LRP1: variants seen among roughly 807,000 people sequenced by gnomAD.
LRP1 encodes prolow-density lipoprotein receptor-related protein 1.
Under a neutral mutation model 541.5 loss-of-function variants are expected in LRP1, and 51 were observed. That is an observed-to-expected ratio of 0.09 (90% CI 0.08 to 0.12). LRP1 has a LOEUF of 0.12. Ranked by LOEUF, LRP1 falls within the 10% of genes least tolerant of loss-of-function variation. The probability of loss-of-function intolerance (pLI) is 1.00; values close to 1 mark genes in which losing one functional copy is unlikely to be tolerated. For synonymous variants in LRP1, 2,219 were observed against 2,470.8 expected (o/e 0.90, Z 3.02); for missense variants, 3,878 against 6,376.2 (o/e 0.61, Z 13.34).
Position 57,190,791 on chromosome 12 carries a change from C to T in LRP1, c.7032-14C>T, listed in dbSNP as rs1329206684. On this transcript the variant is annotated splice_polypyrimidine_tract_variant and intron_variant, in intron 42 of 88. Coordinates refer to ENST00000243077, the MANE Select transcript of LRP1 (RefSeq NM_002332.3). ...CAGGCTTTGCCTCCTGATCTCTGGACCCTCTTCCCCCAGCCTCATGTTCTG... is the reference window on the plus strand; with the variant it reads ...CAGGCTTTGCCTCCTGATCTCTGGATCCTCTTCCCCCAGCCTCATGTTCTG... The T allele has an allele frequency of 3.7e-6, 6 of 1,612,224 alleles. No individual in the cohort carries two copies. The South Asian group carries it at 5.5e-5, about 15-fold the overall frequency.
chr12:57,164,062 T>G (rs2035792187), intron 15 of LRP1, among the ~76,000 whole-genome samples: 1 of 152,046 alleles, frequency 6.6e-6, no homozygotes, highest in Non-Finnish European at 1.5e-5. Context: ...TCCCAGCTAT[T>G]TGGGAGGCTG....
intron 6 of LRP1, among the ~76,000 whole-genome samples, chr12:57,147,240 C>T (rs887288413): frequency 2.6e-5 from 4 of 152,074 alleles, no homozygotes; most frequent in Admixed American, 1.3e-4. Context: ...CCCTGCTCCA[C>T]GTCCCTGCCG....
chr12:57,209,142 A>G lies in LRP1; in HGVS notation c.12205A>G (p.Ile4069Val), dbSNP rs1296939590. Residue 4069 changes from isoleucine to valine, a missense_variant, in exon 79 of 89, where the codon ATC becomes GTC. Physicochemically the swap from Ile to Val is conservative, Grantham distance 29 (BLOSUM62 3). Around this residue, in one of 13 missense-constraint regions of LRP1, gnomAD observed 871 missense variants for 1,212.4 expected, o/e 0.72. Coordinates refer to ENST00000243077, the MANE Select transcript of LRP1 (RefSeq NM_002332.3). ...CTGGGCAGACGCCAAGCTTTCAGTC[A>G]TCGGCAGCATCCGGCTCAATGGCAC... ...LYWADAKLSV[I>V]GSIRLNGTDP... 1 of 1,614,132 alleles carries G rather than the reference A, an allele frequency of 6.2e-7. No individual in the cohort carries two copies. Among genetic ancestry groups the G allele is most frequent in the South Asian group, 1.1e-5 (1 of 91,082 alleles).
In LRP1 at chr12:57,162,307, C is replaced by G. The variant is rs1168308239; in HGVS notation, c.2203-10C>G. The stretch of plus-strand genomic sequence containing the variant: ...TTCCAACTCCTTAGTAACATCCTCT[C>G]CATCCCTAGATTGTGTATGAAGGTC... On this transcript the variant is annotated splice_polypyrimidine_tract_variant and intron_variant, in intron 13 of 88. Transcript: ENST00000243077. This position sits in a 1 kb window ranked among gnomAD's most constrained non-coding sequence, Gnocchi z 5.2. The G allele has an allele frequency of 6.2e-7, 1 of 1,612,882 alleles. No individual in the cohort carries two copies. The highest frequency in any genetic ancestry group is 8.5e-7 in the Non-Finnish European group (1 of 1,178,894).
chr12:57,202,562 G>A (rs1468705110), intron 68 of LRP1, 25 bp downstream of exon 68: 9 of 907,832 alleles, frequency 9.9e-6, no homozygotes, highest in East Asian at 1.3e-4. Context: ...ACCCAGCCCC[G>A]CATGAGCCCC....
In LRP1 at chr12:57,154,728, G is replaced by A. The variant is rs1171513484; in HGVS notation, c.1227+27G>A. On this transcript the variant is annotated intron_variant, in intron 8 of 88. Coordinates refer to ENST00000243077, the MANE Select transcript of LRP1 (RefSeq NM_002332.3). This position sits in a 1 kb window ranked among gnomAD's most constrained non-coding sequence, Gnocchi z 4.6. ...TGAGGGAGCTACTGTCTGAGGTTTT[G>A]TGGGGGAACCATGATCCAGGGCCTT... 2.1e-5 allele frequency: 32 copies of A among 1,546,568 alleles called. No homozygotes were observed. Among genetic ancestry groups the A allele is most frequent in the Non-Finnish European group, 2.8e-5 (32 of 1,142,442 alleles).
rs1194678122 is a variant in LRP1 at position 57,184,079 on chromosome 12, C to T, written c.5930-6C>T. The T allele has an allele frequency of 1.2e-6, 2 of 1,613,170 alleles. No homozygotes were observed. Among genetic ancestry groups the T allele is most frequent in the Middle Eastern group, 1.7e-4 (1 of 6,060 alleles). ...CCTCCCTGAGCCCCACCAACTCCCT[C>T]CTTAGGCAACATCTACTGGACAGAC... On this transcript the variant is annotated splice_region_variant and splice_polypyrimidine_tract_variant and intron_variant, in intron 36 of 88. Transcript: ENST00000243077. The surrounding 1 kb of genome is among the most constrained non-coding windows in gnomAD (Gnocchi z 7.8).
chr12:57,183,617 G>T lies in LRP1; in HGVS notation c.5794+107G>T. The T allele has an allele frequency of 6.7e-7, 1 of 1,501,474 alleles. No homozygotes were observed. The highest frequency in any genetic ancestry group is 1.3e-5 in the South Asian group (1 of 78,140). The allele number at this position is 1,501,474 out of a possible 1,614,324, so 93.0% of individuals were successfully genotyped here. ...GAGGCTGCCTGAATTGGCCTGAGGT[G>T]GGGCACTTGCTACAGCTGCCACCCT... On this transcript the variant is annotated intron_variant, in intron 35 of 88. Transcript: ENST00000243077. This position sits in a 1 kb window ranked among gnomAD's most constrained non-coding sequence, Gnocchi z 6.1.
At position 57,175,674 on chromosome 12, in the gene LRP1, G is replaced by A. The variant is rs201273876; in HGVS notation, c.3762G>A (p.Leu1254=). 42 of 1,582,408 alleles carry A rather than the reference G, an allele frequency of 2.7e-5. No individual in the cohort carries two copies. In the East Asian group the frequency reaches 7.0e-4, roughly 26 times the overall value. ...GCTCCTGCTACGAGGGCTGGGTCCT[G>A]GAACCTGACGGCGAGAGCTGCCGCA... ...VKCSCYEGWV[L]EPDGESCRSL... The change falls in exon 23 of 89, where the codon CTG becomes CTA. Residue 1254 remains leucine (L), a synonymous_variant. Coordinates refer to ENST00000243077, the MANE Select transcript of LRP1 (RefSeq NM_002332.3).
At chr12:57,132,018 T>C (rs920646259) in intron 1 of LRP1, 3 of 152,562 alleles carry the variant, frequency 2.0e-5, no homozygotes, top group Non-Finnish European at 4.4e-5. Context: ...TCAGACTCTT[T>C]ACCTTTCAGG....
At position 57,195,114 on chromosome 12, in the gene LRP1, G is replaced by A; in HGVS notation, c.8308+13G>A. On this transcript the variant is annotated intron_variant, in intron 51 of 88. Transcript: ENST00000243077. ...GCTGCTCACTGTGGTAAGGAAGCTG[G>A]GATTGGGCCGGGGGAGGTGCCCCAG... 1.2e-6 allele frequency: 2 copies of A among 1,610,892 alleles called. No homozygotes were observed. Among genetic ancestry groups the A allele is most frequent in the Non-Finnish European group, 1.7e-6 (2 of 1,177,358 alleles).
intron 3 of LRP1, among the ~76,000 whole-genome samples, chr12:57,142,889 C>T (rs1000603954): frequency 2.0e-5 from 3 of 152,104 alleles, no homozygotes; most frequent in African/African-American, 7.2e-5. Context: ...TGCCTCTAAA[C>T]GTCTTAGCAT....
At chr12:57,167,083 G>A (rs1488733846) in intron 18 of LRP1, 37 bp downstream of exon 18, 1 of 1,556,956 alleles carries the variant, frequency 6.4e-7, no homozygotes, top group Admixed American at 1.7e-5. Context: ...GGCTGGGCCT[G>A]GGGGAGGGGC....
intron 42 of LRP1, 123 bp downstream of exon 42, chr12:57,187,579 C>G: frequency 2.1e-6 from 2 of 935,466 alleles, no homozygotes; most frequent in Non-Finnish European, 3.1e-6. Context: ...TCCACCCTTC[C>G]CTGCTGTGTG....
In LRP1 at chr12:57,194,404, T is replaced by C; in HGVS notation, c.7969T>C (p.Phe2657Leu). 1 of 1,523,764 alleles carries C rather than the reference T, an allele frequency of 6.6e-7. No individual in the cohort carries two copies. The highest frequency in any genetic ancestry group is 8.8e-7 in the Non-Finnish European group (1 of 1,136,288). 94.4% of individuals were successfully genotyped at this position (1,523,764 alleles called of 1,614,324 possible). The change falls in exon 49 of 89, where the codon TTC (phenylalanine) becomes CTC (leucine). Residue 2657 changes from phenylalanine (F) to leucine (L), a missense_variant. Phe to Leu is a conservative substitution (Grantham distance 22). This residue lies in a region of LRP1 where 1,100 missense variants were observed against 1,827.4 expected (regional missense o/e 0.60). Transcript: ENST00000243077. ...CCGCCTGGGCGTGAAGGGCGTGCTC[T>C]TCCAGCCCTGCGAGCGGACCTCACT... ...YFRLGVKGVL[F>L]QPCERTSLCY...
intron 6 of LRP1, chr12:57,149,793 A>AG (rs1438113067): frequency 4.3e-6 from 3 of 704,384 alleles, no homozygotes; most frequent in Non-Finnish European, 5.2e-6. Flanking sequence ...AAGGAGCATG[A>AG]GGCCACATCG....
chr12:57,180,602 T>C (rs2136705031), intron 32 of LRP1, 65 bp from the exon 33 acceptor site: 1 of 1,609,748 alleles, frequency 6.2e-7, no homozygotes, highest in South Asian at 1.1e-5. Context: ...TTAGGGCCAA[T>C]GGGCCCTTCA....
chr12:57,204,655 CT>C lies in LRP1; in HGVS notation c.11102del (p.Phe3701SerfsTer82). On this transcript the variant is annotated frameshift_variant, in exon 72 of 89. Transcript: ENST00000243077. LOFTEE classifies it high-confidence loss of function. This position sits in a 1 kb window ranked among gnomAD's most constrained non-coding sequence, Gnocchi z 5.3. ...GGTTCGTGTGCCCTCCCAACCGGCC[CT>C]TCCGTTGCAAGAATGACCGCGTCTG... ...ARFVCPPNRPFRCKNDRVCLW... is the reference protein window; with the variant it reads ...ARFVCPPNRPXRCKNDRVCLW... 6.2e-7 allele frequency: 1 copy of C among 1,614,038 alleles called. No individual in the cohort carries two copies. The highest frequency in any genetic ancestry group is 8.5e-7 in the Non-Finnish European group (1 of 1,180,034).
intron 42 of LRP1, among the ~76,000 whole-genome samples, chr12:57,190,081 C>T (rs991304308): frequency 6.6e-6 from 1 of 152,198 alleles, no homozygotes; most frequent in African/African-American, 2.4e-5. Flanking sequence ...AGAGGGGCGA[C>T]AGGCTCATTC....
Sources: allele counts gnomAD v4.1 joint callset (sites outside exome capture counted in the v4.1 genomes callset), GRCh38; gene constraint gnomAD v4.1.1; regional missense constraint gnomAD v4.1.1; non-coding constraint Gnocchi (gnomAD v3.1); transcripts MANE v1.5; gene names NCBI Gene and HGNC (gene_info 2026-07-23, HGNC 2026-07-21).